The following TOX variants were observed in gnomAD, a reference collection of about 807,000 sequenced individuals.
The protein encoded by TOX is thymocyte selection-associated high mobility group box protein TOX.
A neutral mutation model predicts 53.7 loss-of-function variants in TOX; 11 were observed. The ratio of observed to expected loss-of-function variants is 0.20; its 90% CI spans 0.13 to 0.34. The LOEUF is 0.34. TOX is among the 10% of genes least tolerant of loss of function. The probability of loss-of-function intolerance (pLI) is 1.00; values close to 1 mark genes in which losing one functional copy is unlikely to be tolerated. For synonymous variants in TOX, 225 were observed against 245.3 expected, an observed-to-expected ratio of 0.92 and a Z score of 0.77; for missense variants, 570 against 664.6, an observed-to-expected ratio of 0.86 and a Z score of 1.56.
At chr8:58,952,449 C>T (rs910204283) in intron 2 of TOX, among the ~76,000 whole-genome samples, 2 of 152,124 alleles carry the variant, frequency 1.3e-5, no homozygotes, top group Middle Eastern at 3.2e-3. Context: ...CAGGAAGGAT[C>T]ATTTAGTTTT....
chr8:58,849,381 C>T (rs1413494383), intron 4 of TOX, among the ~76,000 whole-genome samples: 1 of 152,128 alleles, frequency 6.6e-6, no homozygotes, highest in East Asian at 1.9e-4. Flanking sequence ...ATGAGTTTTA[C>T]TATGCAATGC....
chr8:59,021,481 A>AATATATAT (rs55755723), intron 1 of TOX, among the ~76,000 whole-genome samples: 16,501 of 62,816 alleles, frequency 0.26, 3,406 homozygotes, highest in Non-Finnish European at 0.4. Context: ...AAAAAAAAAA[A>AATATATAT]ATATATATAT....
chr8:59,091,125 G>A (rs1341272364), intron 1 of TOX, among the ~76,000 whole-genome samples: 2 of 151,932 alleles, frequency 1.3e-5, no homozygotes, highest in Non-Finnish European at 2.9e-5. Flanking sequence ...ACCTTCTCAG[G>A]TAAATGCAGT....
At chr8:58,984,979 AAG>A (rs1296622775) in intron 1 of TOX, among the ~76,000 whole-genome samples, 1 of 151,056 alleles carries the variant, frequency 6.6e-6, no homozygotes, top group East Asian at 1.9e-4. Context: ...ATATAATCAA[AAG>A]AATTGAAAAC....
chr8:58,974,902 C>T (rs1441849761), intron 1 of TOX, among the ~76,000 whole-genome samples: 1 of 151,982 alleles, frequency 6.6e-6, no homozygotes, highest in Non-Finnish European at 1.5e-5. Flanking sequence ...AATTTCACTA[C>T]TATGTTCCAT....
chr8:58,940,241 T>G (rs1417656885), intron 2 of TOX, among the ~76,000 whole-genome samples: 1 of 152,184 alleles, frequency 6.6e-6, no homozygotes, highest in Non-Finnish European at 1.5e-5. Flanking sequence ...TTAAATTCAG[T>G]TCTGTCCATT....
chr8:59,043,733 C>T (rs1355900323), intron 1 of TOX, among the ~76,000 whole-genome samples: 3 of 152,190 alleles, frequency 2.0e-5, no homozygotes, highest in African/African-American at 4.8e-5. Context: ...GCCAGAAATG[C>T]GAGATGGATG....
chr8:58,990,554 A>G (rs1012672531), intron 1 of TOX, among the ~76,000 whole-genome samples: 1 of 152,152 alleles, frequency 6.6e-6, no homozygotes, highest in African/African-American at 2.4e-5. Flanking sequence ...TTTCCTCTAC[A>G]TATCATACTT....
intron 1 of TOX, among the ~76,000 whole-genome samples, chr8:59,035,144 C>T (rs1814433848): frequency 6.6e-6 from 1 of 152,194 alleles, no homozygotes; most frequent in Non-Finnish European, 1.5e-5. Flanking sequence ...TTACCATGCT[C>T]ATTAGCCTAC....
intron 1 of TOX, among the ~76,000 whole-genome samples, chr8:59,053,040 A>T (rs1202073207): frequency 1.3e-5 from 2 of 152,280 alleles, no homozygotes; most frequent in South Asian, 4.1e-4. Flanking sequence ...AAAACTAATG[A>T]TAATTATTAT....
At chr8:58,894,748 TA>T (rs1278460631) in intron 3 of TOX, among the ~76,000 whole-genome samples, 2 of 151,786 alleles carry the variant, frequency 1.3e-5, no homozygotes, top group African/African-American at 2.4e-5. Context: ...ATAAAAAAAT[TA>T]GCCAGGCCTG....
chr8:58,831,838 G>A (rs1199616787), intron 5 of TOX, among the ~76,000 whole-genome samples: 1 of 152,112 alleles, frequency 6.6e-6, no homozygotes, highest in Non-Finnish European at 1.5e-5. Flanking sequence ...TGAACTGCAT[G>A]TTCTAAATTA....
chr8:59,037,862 A>G (rs933172078), intron 1 of TOX, among the ~76,000 whole-genome samples: 27 of 151,800 alleles, frequency 1.8e-4, no homozygotes, highest in Admixed American at 1.8e-3. Context: ...CAAACAAGCC[A>G]CCCTTCCTTT....
chr8:58,857,865 G>GT (rs1394017105), intron 3 of TOX, among the ~76,000 whole-genome samples: 1 of 152,052 alleles, frequency 6.6e-6, no homozygotes, highest in Non-Finnish European at 1.5e-5. Flanking sequence ...CGCCTCCCAG[G>GT]TTCGAGTGAT....
At chr8:58,879,180 C>A (rs1158489454) in intron 3 of TOX, among the ~76,000 whole-genome samples, 1 of 152,038 alleles carries the variant, frequency 6.6e-6, no homozygotes, top group South Asian at 2.1e-4. Flanking sequence ...GTGCAAAGGC[C>A]TCCAATTAGA....
chr8:58,914,832 C>T (rs369174860), intron 3 of TOX, among the ~76,000 whole-genome samples: 187 of 151,740 alleles, frequency 1.2e-3, no homozygotes, highest in African/African-American at 4.1e-3. Flanking sequence ...TGGGCGCAGG[C>T]CAGTGTGTGC....
At chr8:59,097,750 T>C (rs381629) in intron 1 of TOX, among the ~76,000 whole-genome samples, 69,233 of 152,082 alleles carry the variant, frequency 0.46, 19,164 homozygotes, top group South Asian at 0.75. Flanking sequence ...TTAAAGATAA[T>C]TTTAGAGTTT....
chr8:58,956,461 T>A (rs1054741682), intron 2 of TOX, among the ~76,000 whole-genome samples: 1 of 152,210 alleles, frequency 6.6e-6, no homozygotes, highest in African/African-American at 2.4e-5. Context: ...GTGTACAACA[T>A]GTTATGATAT....
intron 1 of TOX, among the ~76,000 whole-genome samples, chr8:59,000,607 A>T (rs535437449): frequency 1.2e-4 from 19 of 152,318 alleles, no homozygotes; most frequent in African/African-American, 4.6e-4. Flanking sequence ...AGTATGTATA[A>T]TTAACTTGAC....
Sources: gnomAD v4.1 joint callset for allele counts (sites outside exome capture counted in the v4.1 genomes callset) on GRCh38, gnomAD v4.1.1 for gene constraint, MANE v1.5 for transcripts, NCBI Gene and HGNC (gene_info 2026-07-23, HGNC 2026-07-21) for gene names.